SULF2: variants seen among roughly 807,000 people sequenced by gnomAD.
SULF2 encodes the protein sulfatase 2, also known as extracellular sulfatase Sulf-2.
A neutral mutation model predicts 107.7 loss-of-function variants in SULF2; 52 were observed. That is an observed-to-expected ratio of 0.48 (90% confidence interval 0.39 to 0.61). SULF2 has a LOEUF of 0.61. SULF2 is among the 20% of genes least tolerant of loss of function. The pLI is 0.00. For missense variants in SULF2, 993 were observed against 1,177.3 expected (o/e 0.84, Z 2.29); for synonymous variants, 460 against 464.3 (o/e 0.99, Z 0.12).
rs770799182 is a variant in SULF2, at chr20:47,721,813, G to A, written c.415+14890C>T. Among the ~76,000 whole-genome samples the A allele has an allele frequency of 2.0e-5, 3 of 152,336 alleles. No individual in the cohort carries two copies. The East Asian group carries it at 5.8e-4, about 29-fold the overall frequency. On this transcript the variant is annotated intron_variant, in intron 3 of 20. Coordinates refer to ENST00000688720, the MANE Select transcript of SULF2 (RefSeq NM_001387048.1). Reference sequence around the variant, plus strand: ...TCTCAGCCTTACATGTTCTGATGAGGCTCTTTCTAGCTCTGAATCCTGGAC... The same window carrying A: ...TCTCAGCCTTACATGTTCTGATGAGACTCTTTCTAGCTCTGAATCCTGGAC...
At chr20:47,765,371 C>CAAAA (rs11478422) in intron 1 of SULF2, among the ~76,000 whole-genome samples, 7 of 138,260 alleles carry the variant, frequency 5.1e-5, no homozygotes, top group African/African-American at 1.6e-4. Context: ...CAAAACAAAA[C>CAAAA]AAAAAAAAAA....
At chr20:47,769,079 G>A (rs887380818) in intron 1 of SULF2, among the ~76,000 whole-genome samples, 4 of 150,108 alleles carry the variant, frequency 2.7e-5, no homozygotes, top group South Asian at 2.1e-4. Flanking sequence ...TCACTCTGTC[G>A]CCCAGGCTGG....
chr20:47,664,251 G>T, intron 14 of SULF2, 62 bp from the exon 15 acceptor site: 1 of 1,523,582 alleles, frequency 6.6e-7, no homozygotes. Context: ...GCTGGCAGGT[G>T]CAAGCTGTGA....
chr20:47,658,544 C>T (rs2086967261), intron 20 of SULF2, 152 bp from the exon 21 acceptor site: 2 of 822,706 alleles, frequency 2.4e-6, no homozygotes, highest in African/African-American at 3.4e-5. Flanking sequence ...ACCACCTAGT[C>T]ACCTCAATTT....
chr20:47,684,548 G>T lies in SULF2; in HGVS notation c.771C>A (p.Asp257Glu). 1 of 1,614,090 alleles carries T rather than the reference G, an allele frequency of 6.2e-7. No individual in the cohort carries two copies. Among genetic ancestry groups the T allele is most frequent in the Non-Finnish European group, 8.5e-7 (1 of 1,179,974 alleles). The change falls in exon 6 of 21, where the codon GAC becomes GAA. Residue 257 changes from aspartate to glutamate, a missense_variant. Transcript: ENST00000688720. ...TPSYNYAPNP[D>E]KHWIMRYTGP... ...CCGTGTAGCGCATGATCCAGTGTTT[G>T]TCCGGGTTGGGCGCGTAGTTGTAGC... is the stretch of plus-strand genomic sequence containing the variant.
At chr20:47,741,548 C>T (rs182853130) in intron 2 of SULF2, among the ~76,000 whole-genome samples, 10 of 152,330 alleles carry the variant, frequency 6.6e-5, no homozygotes, top group South Asian at 2.1e-4. Flanking sequence ...CTACTGATCC[C>T]GTTTGCTGTT....
At chr20:47,753,448 C>T (rs1438192812) in intron 2 of SULF2, among the ~76,000 whole-genome samples, 1 of 152,202 alleles carries the variant, frequency 6.6e-6, no homozygotes, top group African/African-American at 2.4e-5. Context: ...CCTTTAATGC[C>T]GCTTCTGAAA....
intron 1 of SULF2, among the ~76,000 whole-genome samples, chr20:47,774,991 G>A (rs2090699066): frequency 1.3e-5 from 2 of 152,190 alleles, no homozygotes; most frequent in African/African-American, 4.8e-5. Flanking sequence ...TTCCTGACCT[G>A]TCCTTTCCTG....
chr20:47,724,406 G>A (rs1239805503), intron 3 of SULF2, among the ~76,000 whole-genome samples: 2 of 152,186 alleles, frequency 1.3e-5, no homozygotes, highest in East Asian at 3.9e-4. Context: ...ACTGGGCTGC[G>A]GGGGACACCA....
At chr20:47,705,169 G>A (rs957327647) in intron 3 of SULF2, among the ~76,000 whole-genome samples, 3 of 152,224 alleles carry the variant, frequency 2.0e-5, no homozygotes, top group Admixed American at 1.3e-4. Flanking sequence ...CCAGAGGGAG[G>A]AGCTGATGAA....
chr20:47,762,577 G>A (rs1024845018), intron 1 of SULF2, among the ~76,000 whole-genome samples: 1 of 152,222 alleles, frequency 6.6e-6, no homozygotes, highest in African/African-American at 2.4e-5. Flanking sequence ...GCTCAACCAG[G>A]ACCCCCTAGA....
intron 2 of SULF2, among the ~76,000 whole-genome samples, chr20:47,745,430 TATATATATATATATATATATATATATAC>T (rs2090008057): frequency 2.7e-3 from 15 of 5,524 alleles, no homozygotes; most frequent in Non-Finnish European, 4.3e-3. Context: ...TATATATATA[TATATATATATATATATATATATATATAC>T]ACATACACAC....
chr20:47,707,341 C>T lies in SULF2; in HGVS notation c.416-4671G>A, dbSNP rs977750763. On this transcript the variant is annotated intron_variant, in intron 3 of 20. Coordinates refer to ENST00000688720, the MANE Select transcript of SULF2 (RefSeq NM_001387048.1). The stretch of plus-strand genomic sequence containing the variant: ...TCTCCATTTTCCCCGTGCCCCACTT[C>T]GCCCTTTAGAAATGCAATTATAACC... Among the ~76,000 whole-genome samples, 9 of 152,206 alleles carry T rather than the reference C, an allele frequency of 5.9e-5. 1 individual carries two copies. The highest frequency in any genetic ancestry group is 3.4e-3 in the Middle Eastern group (1 of 294).
rs372426995 is a variant in SULF2, at chr20:47,709,816, G to T, written c.416-7146C>A. ...GAGGTGGGAAAGATAGAGACAGAGA[G>T]ACAGAAGAGATAGAGAGATACAAGA... On this transcript the variant is annotated intron_variant, in intron 3 of 20. Coordinates refer to ENST00000688720, the MANE Select transcript of SULF2 (RefSeq NM_001387048.1). Among the ~76,000 whole-genome samples the T allele has an allele frequency of 3.9e-5, 6 of 151,970 alleles. 1 individual carries two copies. In the East Asian group the frequency reaches 5.8e-4, roughly 15 times the overall value.
chr20:47,665,735 A>G (rs1389912622), intron 13 of SULF2, 122 bp downstream of exon 13: 2 of 750,132 alleles, frequency 2.7e-6, no homozygotes, highest in African/African-American at 3.4e-5. Flanking sequence ...ATCTGTGGGG[A>G]CCTCACTTCA....
chr20:47,671,277 C>T (rs2087461665), intron 11 of SULF2, among the ~76,000 whole-genome samples: 2 of 152,186 alleles, frequency 1.3e-5, no homozygotes, highest in African/African-American at 4.8e-5. Flanking sequence ...CCCCACTCAA[C>T]TATAGTCTAT....
rs939768119 is a variant in SULF2 at position 47,716,766 on chromosome 20, CAGG to C, written c.416-14099_416-14097del. On this transcript the variant is annotated intron_variant, in intron 3 of 20. Transcript: ENST00000688720. ...ATCCCAGCACTTCGGGAGGCCAAGG[CAGG>C]AGGATTGCTTGAAGCAAAAAGTTTG... 2.0e-5 allele frequency among the ~76,000 whole-genome samples: 3 copies of C among 152,180 alleles called. No individual in the cohort carries two copies. The South Asian group carries it at 6.2e-4, about 32-fold the overall frequency.
In SULF2 at chr20:47,678,425, G is replaced by A. The variant is rs1349189707; in HGVS notation, c.1193+251C>T. 16 of 494,314 alleles carry A rather than the reference G, an allele frequency of 3.2e-5. No homozygotes were observed. The highest frequency in any genetic ancestry group is 5.7e-4 in the Middle Eastern group (1 of 1,758). The allele number at this position is 494,314 out of a possible 1,614,324, so 30.6% of individuals were successfully genotyped here. On this transcript the variant is annotated intron_variant, in intron 8 of 20. Transcript: ENST00000688720. The surrounding 1 kb of genome is among the most constrained non-coding windows in gnomAD (Gnocchi z 4.5). ...ACCATCACTGCTGCTATCATTTCAA[G>A]CTTTGGGTAATTTTAGCTCAGAGAA...
Position 47,736,912 on chromosome 20 carries a change from C to G in SULF2, c.206G>C (p.Arg69Pro), listed in dbSNP as rs763698817. Reference sequence around the variant, plus strand: ...GTGCGCCCCGCCCTGCTCCATGATGCGCCGGGTCTTGTTCATCACCTGCAT... The same window carrying G: ...GTGCGCCCCGCCCTGCTCCATGATGGGCCGGGTCTTGTTCATCACCTGCAT... ...GSMQVMNKTR[R>P]IMEQGGAHFI... Residue 69 changes from arginine (R) to proline (P), a missense_variant, in exon 3 of 21, where the codon CGC (arginine) becomes CCC (proline). Arg to Pro is a moderately radical substitution (Grantham distance 103). Around this residue, in one of 3 missense-constraint regions of SULF2, gnomAD observed 388 missense variants for 449.2 expected, o/e 0.86. Coordinates refer to ENST00000688720, the MANE Select transcript of SULF2 (RefSeq NM_001387048.1). The G allele has an allele frequency of 1.9e-6, 3 of 1,614,204 alleles. No homozygotes were observed. In the Admixed American group the frequency reaches 5.0e-5, roughly 27 times the overall value.
Sources: gnomAD v4.1 joint callset for allele counts (sites outside exome capture counted in the v4.1 genomes callset) on GRCh38, gnomAD v4.1.1 for gene constraint, gnomAD v4.1.1 regional missense constraint, Gnocchi (gnomAD v3.1) non-coding constraint, MANE v1.5 for transcripts, NCBI Gene and HGNC (gene_info 2026-07-23, HGNC 2026-07-21) for gene names.